Variants in VPS37A observed in about 807,000 individuals in gnomAD.
VPS37A encodes VPS37A subunit of ESCRT-I.
Under a neutral mutation model 49.8 loss-of-function variants are expected in VPS37A, and 30 were observed. That is an observed-to-expected ratio of 0.60 (90% CI 0.45 to 0.82). The LOEUF is 0.82. Ranked by LOEUF, VPS37A falls within the 40% of genes least tolerant of loss-of-function variation. The pLI is 0.00. For synonymous variants in VPS37A, 195 were observed against 160.6 expected (o/e 1.21, Z -1.62); for missense variants, 593 against 464.4 (o/e 1.28, Z -2.55).
chr8:17,316,702 C>T, the VPS37A span, among the ~76,000 whole-genome samples: 3 of 152,238 alleles, frequency 2.0e-5, no homozygotes, highest in African/African-American at 7.2e-5. Flanking sequence ...AAAACCAATC[C>T]AGTGTAACGA....
chr8:17,330,543 G>A, the VPS37A span, among the ~76,000 whole-genome samples: 1 of 152,224 alleles, frequency 6.6e-6, no homozygotes, highest in African/African-American at 2.4e-5. Context: ...ATGGCTGGTT[G>A]GCCACATGAA....
chr8:17,258,292 A>G (rs1457777942), intron 1 of VPS37A, among the ~76,000 whole-genome samples: 1 of 152,106 alleles, frequency 6.6e-6, no homozygotes, highest in Non-Finnish European at 1.5e-5. Flanking sequence ...TTTGTTATAT[A>G]TGGCCTTTAT....
the VPS37A span, chr8:17,311,759 A>T: frequency 6.8e-7 from 1 of 1,473,180 alleles, no homozygotes; most frequent in Non-Finnish European, 9.2e-7. Flanking sequence ...ACACCTGTCC[A>T]TTCGTCTGTT....
the VPS37A span, chr8:17,311,824 G>C: frequency 1.2e-6 from 1 of 803,976 alleles, no homozygotes; most frequent in Non-Finnish European, 1.9e-6. Flanking sequence ...GGCAGCTAAA[G>C]CTTTCCCTTC....
chr8:17,311,182 G>C, the VPS37A span, among the ~76,000 whole-genome samples: 2 of 152,052 alleles, frequency 1.3e-5, no homozygotes, highest in African/African-American at 4.8e-5. Context: ...ACATATTCAT[G>C]TTACCTCAAA....
At chr8:17,293,831 C>T (rs1205037329) in intron 11 of VPS37A, among the ~76,000 whole-genome samples, 3 of 152,140 alleles carry the variant, frequency 2.0e-5, no homozygotes, top group African/African-American at 7.2e-5. Context: ...GAAGCTTTGT[C>T]CCAGAGGGGC....
chr8:17,330,436 G>T, the VPS37A span, among the ~76,000 whole-genome samples: 4 of 152,240 alleles, frequency 2.6e-5, no homozygotes, highest in African/African-American at 9.6e-5. Context: ...GTAGACTACA[G>T]CGACAGATTC....
At chr8:17,268,760 C>A (rs1289184024) in intron 3 of VPS37A, 96 bp from the exon 4 acceptor site, 3 of 839,784 alleles carry the variant, frequency 3.6e-6, no homozygotes, top group Non-Finnish European at 5.6e-6. Context: ...TCTTGACCTG[C>A]AAAAGTAAGT....
At chr8:17,303,851 C>A (rs966987597), downstream of VPS37A, among the ~76,000 whole-genome samples, 11 of 152,150 alleles carry the variant, frequency 7.2e-5, no homozygotes, top group Admixed American at 7.2e-4. Flanking sequence ...CTAGGGTGAT[C>A]CACCCGCCTC....
chr8:17,291,045 A>T (rs1034446382), intron 11 of VPS37A, among the ~76,000 whole-genome samples: 5 of 152,000 alleles, frequency 3.3e-5, no homozygotes, highest in Non-Finnish European at 7.4e-5. Context: ...ATGGACTCTC[A>T]TTCTGTTGCC....
chr8:17,253,794 A>G (rs1322882949), intron 1 of VPS37A, among the ~76,000 whole-genome samples: 2 of 152,240 alleles, frequency 1.3e-5, no homozygotes, highest in Non-Finnish European at 2.9e-5. Context: ...CCATGTTAAC[A>G]CAGATTTCGA....
the VPS37A span, among the ~76,000 whole-genome samples, chr8:17,312,529 C>T: frequency 2.2e-5 from 3 of 135,578 alleles, no homozygotes; most frequent in African/African-American, 8.4e-5. Context: ...AAGCTGAGAT[C>T]GTGCCACTGC....
At chr8:17,269,201 G>T (rs1252987864) in intron 4 of VPS37A, among the ~76,000 whole-genome samples, 1 of 152,048 alleles carries the variant, frequency 6.6e-6, no homozygotes, top group African/African-American at 2.4e-5. Flanking sequence ...GATATTATCT[G>T]TTGGCCTCCT....
At chr8:17,278,160 C>T (rs544170541) in intron 6 of VPS37A, among the ~76,000 whole-genome samples, 2 of 152,052 alleles carry the variant, frequency 1.3e-5, no homozygotes, top group African/African-American at 2.4e-5. Flanking sequence ...ATTCTTTTGC[C>T]AATACTTATG....
intron 11 of VPS37A, among the ~76,000 whole-genome samples, chr8:17,292,540 G>A (rs914243264): frequency 1.3e-5 from 2 of 152,198 alleles, no homozygotes; most frequent in African/African-American, 4.8e-5. Context: ...AGTTGATGCA[G>A]TTTCTTCATA....
At chr8:17,328,064 T>G in the VPS37A span, among the ~76,000 whole-genome samples, 1 of 152,152 alleles carries the variant, frequency 6.6e-6, no homozygotes, top group Non-Finnish European at 1.5e-5. Context: ...ACCAACAGTA[T>G]TAATCTAACA....
Position 17,247,250 on chromosome 8 carries a change from C to T in VPS37A, c.6C>T (p.Ser2=). 2.5e-6 allele frequency: 4 copies of T among 1,570,582 alleles called. No individual in the cohort carries two copies. Among genetic ancestry groups the T allele is most frequent in the Non-Finnish European group, 3.5e-6 (4 of 1,157,766 alleles). The part of the protein sequence containing the change: M[S]WLFPLTKSAS... ...GGCCCGTGGACCCGAGGAGGATGAG[C>T]TGGCTTTTTCCCCTGACCAAGAGCG... The change falls in exon 1 of 12, where the codon AGC becomes AGT. Residue 2 remains serine (S), a synonymous_variant. Transcript: ENST00000324849.
At chr8:17,269,154 T>C (rs1424480540) in intron 4 of VPS37A, among the ~76,000 whole-genome samples, 198 bp downstream of exon 4, 1 of 152,202 alleles carries the variant, frequency 6.6e-6, no homozygotes, top group Non-Finnish European at 1.5e-5. Flanking sequence ...TTCTGAATAA[T>C]GTATGCGTAC....
rs1237248729 is a variant in VPS37A at position 17,273,193 on chromosome 8, T to C, written c.417-1540T>C. ...TTAGCAAGCCTGACAGATATTTTCA[T>C]GTTTTCTAACCCTCCCTCAAAAGCC... On this transcript the variant is annotated intron_variant, in intron 4 of 11. Transcript: ENST00000324849. 1.5e-4 allele frequency among the ~76,000 whole-genome samples: 23 copies of C among 152,052 alleles called. 1 individual carries two copies.
Sources: allele counts gnomAD v4.1 joint callset (sites outside exome capture counted in the v4.1 genomes callset), GRCh38; gene constraint gnomAD v4.1.1; transcripts MANE v1.5; gene names NCBI Gene and HGNC (gene_info 2026-07-23, HGNC 2026-07-21).